ACAP2: variants seen among roughly 807,000 people sequenced by gnomAD.
ACAP2 encodes arf-GAP with coiled-coil, ANK repeat and PH domain-containing protein 2.
Under a neutral mutation model 115.8 loss-of-function variants are expected in ACAP2, and 39 were observed. The ratio of observed to expected loss-of-function variants is 0.34; its 90% CI spans 0.26 to 0.44. The LOEUF (loss-of-function observed/expected upper bound fraction) is 0.44. Among genes scored for constraint, ACAP2 ranks in the 20% least tolerant of loss-of-function variants. The pLI is 1.00. For synonymous variants in ACAP2, 289 were observed against 315.8 expected (o/e 0.92, Z 0.90); for missense variants, 662 against 927.6 (o/e 0.71, Z 3.72).
At chr3:195,291,414 G>T (rs1388596541) in intron 20 of ACAP2, among the ~76,000 whole-genome samples, 1 of 152,184 alleles carries the variant, frequency 6.6e-6, no homozygotes, top group Non-Finnish European at 1.5e-5. Flanking sequence ...GGCTTAAGTT[G>T]TCTGACAAAA....
At chr3:195,295,289 T>G in intron 17 of ACAP2, 1 of 1,292,584 alleles carries the variant, frequency 7.7e-7, no homozygotes, top group South Asian at 1.2e-5. Context: ...TCGTCGCTAT[T>G]TACAGCAATC....
At position 195,279,144 on chromosome 3, in the gene ACAP2, G is replaced by A. The variant is rs1577223328; in HGVS notation, c.*184C>T. 2.2e-6 allele frequency: 1 copy of A among 457,656 alleles called. No individual in the cohort carries two copies. The highest frequency in any genetic ancestry group is 3.7e-5 in the East Asian group (1 of 26,978). The allele number at this position is 457,656 out of a possible 1,614,324, so 28.3% of individuals were successfully genotyped here. On this transcript the variant is annotated 3_prime_UTR_variant, in exon 23 of 23. Coordinates refer to ENST00000326793, the MANE Select transcript of ACAP2 (RefSeq NM_012287.6). ...TTTTAATAAAAGAGGTCCTAAACTA[G>A]GTTCCTCTCCTACTACTAGATAACT...
intron 10 of ACAP2, among the ~76,000 whole-genome samples, chr3:195,311,337 T>A (rs1276700145): frequency 6.6e-6 from 1 of 152,140 alleles, no homozygotes; most frequent in Admixed American, 6.5e-5. Context: ...TCTCAAGCGA[T>A]CCACCCACCT....
At chr3:195,427,964 TAC>T (rs921343390) in intron 1 of ACAP2, among the ~76,000 whole-genome samples, 2 of 147,028 alleles carry the variant, frequency 1.4e-5, no homozygotes, top group African/African-American at 5.1e-5. Context: ...TATGTATACA[TAC>T]ACACACACAG....
intron 4 of ACAP2, among the ~76,000 whole-genome samples, chr3:195,346,715 C>T (rs983030627): frequency 6.6e-6 from 1 of 152,164 alleles, no homozygotes; most frequent in African/African-American, 2.4e-5. Context: ...AAAACCTGTA[C>T]TCAAATGTTT....
intron 5 of ACAP2, among the ~76,000 whole-genome samples, chr3:195,345,002 T>C (rs1299400070): frequency 6.6e-6 from 1 of 152,238 alleles, no homozygotes; most frequent in Non-Finnish European, 1.5e-5. Flanking sequence ...AAAAATATTT[T>C]TTAAACCTAT....
Position 195,400,428 on chromosome 3 carries a change from A to G in ACAP2, c.54-8281T>C, listed in dbSNP as rs541457555. Among the ~76,000 whole-genome samples the G allele has an allele frequency of 2.4e-4, 36 of 152,034 alleles. 1 individual carries two copies. In the South Asian group the frequency reaches 7.1e-3, roughly 30 times the overall value. ...TTAACATGTGTAGTGGCAAATAATC[A>G]TTATTGACAGAATACTAATCCAAGG... On this transcript the variant is annotated intron_variant, in intron 1 of 22. Transcript: ENST00000326793.
At chr3:195,329,341 TATCA>T (rs1280935281) in intron 8 of ACAP2, among the ~76,000 whole-genome samples, 3 of 152,114 alleles carry the variant, frequency 2.0e-5, no homozygotes, top group Non-Finnish European at 4.4e-5. Flanking sequence ...TACTGGACAT[TATCA>T]ATGTTAATAG....
intron 1 of ACAP2, among the ~76,000 whole-genome samples, chr3:195,420,804 A>C (rs1458488462): frequency 6.6e-6 from 1 of 151,914 alleles, no homozygotes; most frequent in African/African-American, 2.4e-5. Context: ...CACCATGCCC[A>C]GCTAATTTTT....
intron 4 of ACAP2, among the ~76,000 whole-genome samples, chr3:195,358,930 A>G (rs973923044): frequency 1.1e-4 from 16 of 152,234 alleles, no homozygotes; most frequent in Non-Finnish European, 1.9e-4. Flanking sequence ...GGATTCTAAA[A>G]GCAGCACAAG....
intron 9 of ACAP2, 39 bp from the exon 10 acceptor site, chr3:195,320,852 A>T: frequency 1.4e-6 from 2 of 1,402,864 alleles, no homozygotes; most frequent in Non-Finnish European, 2.0e-6. Context: ...ATATGACTTG[A>T]CTAAGTTTCC....
intron 8 of ACAP2, among the ~76,000 whole-genome samples, chr3:195,331,583 G>T (rs541373893): frequency 6.6e-6 from 1 of 151,890 alleles, no homozygotes; most frequent in East Asian, 2.0e-4. Flanking sequence ...AAAGTGCTGG[G>T]ATTACAGGCA....
intron 1 of ACAP2, among the ~76,000 whole-genome samples, chr3:195,412,391 C>T (rs560848202): frequency 1.6e-3 from 248 of 150,334 alleles, no homozygotes; most frequent in African/African-American, 5.8e-3. Flanking sequence ...ACCAGCCTGG[C>T]CAACATGGTG....
At chr3:195,359,257 G>T (rs190751081) in intron 4 of ACAP2, among the ~76,000 whole-genome samples, 1 of 152,290 alleles carries the variant, frequency 6.6e-6, no homozygotes, top group East Asian at 1.9e-4. Context: ...AGGCTCACTG[G>T]TGACAGTAAG....
At chr3:195,410,328 G>A (rs770131451) in intron 1 of ACAP2, among the ~76,000 whole-genome samples, 2 of 152,144 alleles carry the variant, frequency 1.3e-5, no homozygotes, top group East Asian at 1.9e-4. Flanking sequence ...AGAAGAAAAC[G>A]TAGATTAAAA....
chr3:195,386,328 G>A (rs1045152823), intron 2 of ACAP2, among the ~76,000 whole-genome samples: 3 of 152,100 alleles, frequency 2.0e-5, no homozygotes, highest in African/African-American at 7.2e-5. Context: ...GTACAACACT[G>A]GGACTATACT....
intron 10 of ACAP2, among the ~76,000 whole-genome samples, chr3:195,319,419 C>A (rs920250772): frequency 6.6e-6 from 1 of 152,216 alleles, no homozygotes; most frequent in African/African-American, 2.4e-5. Flanking sequence ...CCTGGAAACA[C>A]CGCAGGCACT....
chr3:195,306,044 CAA>C (rs1728399499), intron 13 of ACAP2, among the ~76,000 whole-genome samples: 1 of 152,016 alleles, frequency 6.6e-6, no homozygotes, highest in South Asian at 2.1e-4. Context: ...CTGCGTTGCC[CAA>C]AAGACTTTCT....
chr3:195,292,696 T>G (rs1473894654), intron 18 of ACAP2, among the ~76,000 whole-genome samples: 3 of 151,458 alleles, frequency 2.0e-5, no homozygotes, highest in African/African-American at 7.3e-5. Context: ...CCGAGGGGGG[T>G]GGATCACTTG....
Sources: allele counts gnomAD v4.1 joint callset (sites outside exome capture counted in the v4.1 genomes callset), GRCh38; gene constraint gnomAD v4.1.1; transcripts MANE v1.5; gene names NCBI Gene and HGNC (gene_info 2026-07-23, HGNC 2026-07-21).